HEPHL1: variants seen among roughly 807,000 people sequenced by gnomAD.
HEPHL1 encodes hephaestin like 1.
A neutral mutation model predicts 122.0 loss-of-function variants in HEPHL1; 123 were observed. The ratio of observed to expected loss-of-function variants is 1.01; its 90% CI spans 0.87 to 1.17. HEPHL1 has a LOEUF of 1.17. HEPHL1 is among the 50% of genes most tolerant of loss of function. The pLI, the probability that HEPHL1 is intolerant of heterozygous loss-of-function variation, is 0.00. For missense variants in HEPHL1, 1,452 were observed against 1,430.5 expected, an observed-to-expected ratio of 1.01 and a Z score of -0.24; for synonymous variants, 527 against 508.9, an observed-to-expected ratio of 1.04 and a Z score of -0.48.
chr11:94,099,642 G>C (rs1273967811), intron 13 of HEPHL1, among the ~76,000 whole-genome samples: 7 of 152,288 alleles, frequency 4.6e-5, no homozygotes, highest in Middle Eastern at 3.4e-3. Flanking sequence ...AGGCCTCCTC[G>C]AGCTGCGGTG....
At chr11:94,043,677 T>G (rs1945807602) in intron 1 of HEPHL1, among the ~76,000 whole-genome samples, 1 of 152,092 alleles carries the variant, frequency 6.6e-6, no homozygotes. Flanking sequence ...TGCCAAAACT[T>G]AAAAATGTCT....
chr11:94,104,477 A>G (rs895263384), intron 15 of HEPHL1, 51 bp from the exon 16 acceptor site: 4 of 1,267,100 alleles, frequency 3.2e-6, no homozygotes, highest in Non-Finnish European at 4.5e-6. Flanking sequence ...GGAATGAAAT[A>G]TTATTAAATT....
chr11:94,028,247 G>A (rs530958384), intron 1 of HEPHL1, among the ~76,000 whole-genome samples: 2 of 152,140 alleles, frequency 1.3e-5, no homozygotes, highest in Non-Finnish European at 1.5e-5. Flanking sequence ...CAGGGACTGA[G>A]ATTAATACAT....
chr11:94,067,423 C>A, intron 4 of HEPHL1, 73 bp from the exon 5 acceptor site: 2 of 1,470,748 alleles, frequency 1.4e-6, no homozygotes, highest in Non-Finnish European at 1.9e-6. Flanking sequence ...TGCTTAAGCC[C>A]GTATTACCAA....
chr11:94,066,683 A>G (rs1033766881), intron 4 of HEPHL1, among the ~76,000 whole-genome samples: 2 of 152,242 alleles, frequency 1.3e-5, no homozygotes, highest in African/African-American at 4.8e-5. Flanking sequence ...ATTTATTTAA[A>G]TTTACTAAAA....
intron 13 of HEPHL1, among the ~76,000 whole-genome samples, chr11:94,093,971 G>GGTATATATAT (rs1946284079): frequency 1.4e-5 from 1 of 72,746 alleles, no homozygotes; most frequent in East Asian, 4.7e-4. Context: ...TCCTCCAGCA[G>GGTATATATAT]ATATATATAT....
intron 5 of HEPHL1, among the ~76,000 whole-genome samples, chr11:94,068,830 T>C (rs553260071): frequency 6.6e-6 from 1 of 152,262 alleles, no homozygotes; most frequent in African/African-American, 2.4e-5. Context: ...GTTAATGGAA[T>C]AGACACAGAA....
intron 2 of HEPHL1, among the ~76,000 whole-genome samples, chr11:94,057,890 G>GCC (rs1945952232): frequency 6.6e-6 from 1 of 151,796 alleles, no homozygotes; most frequent in African/African-American, 2.4e-5. Context: ...ATATAATGTA[G>GCC]CATATCTGGA....
rs1049212969 is a variant in HEPHL1 at position 94,110,961 on chromosome 11, T to C, written c.3104T>C (p.Ile1035Thr). 6.8e-6 allele frequency: 11 copies of C among 1,612,732 alleles called. No individual in the cohort carries two copies. The highest frequency in any genetic ancestry group is 4.0e-5 in the African/African-American group (3 of 74,832). Reference protein sequence around the residue: ...YDLFPGTFQTIELFADHPGTW... With the variant: ...YDLFPGTFQTTELFADHPGTW... ...CTCTTTCCTGGGACATTCCAAACCATTGAACTGTTTGCAGATCACCCAGGG... is the reference window on the plus strand; with the variant it reads ...CTCTTTCCTGGGACATTCCAAACCACTGAACTGTTTGCAGATCACCCAGGG... Residue 1035 changes from isoleucine to threonine, a missense_variant, in exon 18 of 20, where the codon ATT becomes ACT. By Grantham distance (89) the Ile-to-Thr change is moderately conservative (BLOSUM62 -1). Coordinates refer to ENST00000315765, the MANE Select transcript of HEPHL1 (RefSeq NM_001098672.2).
rs764400324 is a variant in HEPHL1, at chr11:94,073,168, C to G, written c.1372+4C>G. ...GAAGCCCATCTTGGAATTCTTGGTA[C>G]AGTAAAACCATCCCCCATGCATTGA... On this transcript the variant is annotated splice_donor_region_variant and intron_variant, in intron 7 of 19. Coordinates refer to ENST00000315765, the MANE Select transcript of HEPHL1 (RefSeq NM_001098672.2). 3 of 1,612,868 alleles carry G rather than the reference C, an allele frequency of 1.9e-6. No individual in the cohort carries two copies. In the South Asian group the frequency reaches 3.3e-5, roughly 18 times the overall value.
intron 6 of HEPHL1, 81 bp downstream of exon 6, chr11:94,070,623 C>A: frequency 1.7e-6 from 2 of 1,162,032 alleles, no homozygotes; most frequent in Non-Finnish European, 2.5e-6. Context: ...AATTTGTATT[C>A]CAACCACTGC....
chr11:94,060,180 A>G (rs1945975544), intron 2 of HEPHL1, among the ~76,000 whole-genome samples: 1 of 140,966 alleles, frequency 7.1e-6, no homozygotes, highest in African/African-American at 2.7e-5. Flanking sequence ...TGAAGATACG[A>G]TCATGAGCAA....
chr11:94,053,391 T>A (rs1227035486), intron 2 of HEPHL1, among the ~76,000 whole-genome samples: 1 of 152,088 alleles, frequency 6.6e-6, no homozygotes, highest in Non-Finnish European at 1.5e-5. Context: ...ATTTTGTTGA[T>A]CTTTTCTAAG....
At chr11:94,027,963 C>T (rs904353483) in intron 1 of HEPHL1, among the ~76,000 whole-genome samples, 3 of 152,158 alleles carry the variant, frequency 2.0e-5, no homozygotes, top group African/African-American at 7.2e-5. Flanking sequence ...ACATTTGTCT[C>T]AATCTCATCT....
At position 94,045,760 on chromosome 11, in the gene HEPHL1, C is replaced by T; in HGVS notation, c.258C>T (p.Thr86=). The T allele has an allele frequency of 1.2e-6, 2 of 1,613,878 alleles. No homozygotes were observed. Among genetic ancestry groups the T allele is most frequent in the Non-Finnish European group, 1.7e-6 (2 of 1,179,852 alleles). Residue 86 remains threonine, a synonymous_variant, in exon 2 of 20, where the codon ACC becomes ACT. Transcript: ENST00000315765. ...KAVYRRFTDG[T]YSIEIPKPPW... is the part of the protein sequence containing the mutation. ...TTTACAGACGCTTCACGGATGGAAC[C>T]TACTCCATAGAGATCCCCAAACCTC...
chr11:94,055,712 C>A, intron 2 of HEPHL1: 2 of 375,714 alleles, frequency 5.3e-6, no homozygotes, highest in South Asian at 2.2e-5. Flanking sequence ...GTGATCTTGA[C>A]ATTCTGTAAA....
At chr11:94,045,953 C>A in intron 2 of HEPHL1, 36 bp downstream of exon 2, 1 of 1,593,738 alleles carries the variant, frequency 6.3e-7, no homozygotes, top group Non-Finnish European at 8.6e-7. Context: ...GGTCTTGTCT[C>A]TATTTCATAA....
chr11:94,043,518 C>T (rs1435405070), intron 1 of HEPHL1, among the ~76,000 whole-genome samples: 1 of 152,100 alleles, frequency 6.6e-6, no homozygotes, highest in African/African-American at 2.4e-5. Context: ...ATTTGGCGTG[C>T]TTATAGGCTA....
At chr11:94,058,366 A>C (rs576528363) in intron 2 of HEPHL1, among the ~76,000 whole-genome samples, 1 of 152,226 alleles carries the variant, frequency 6.6e-6, no homozygotes, top group Admixed American at 6.5e-5. Flanking sequence ...CTCCTTTAAT[A>C]AGGTTTTGTC....
Sources: gnomAD v4.1 joint callset for allele counts (sites outside exome capture counted in the v4.1 genomes callset) on GRCh38, gnomAD v4.1.1 for gene constraint, MANE v1.5 for transcripts, NCBI Gene and HGNC (gene_info 2026-07-23, HGNC 2026-07-21) for gene names.